Variants in UBR3 observed in about 807,000 individuals in gnomAD.
UBR3 encodes the protein ubiquitin protein ligase E3 component n-recognin 3.
UBR3 carries 85 observed loss-of-function variants against 243.2 expected under a neutral mutation model. The observed-to-expected ratio is 0.35, with a 90% CI of 0.29 to 0.42. The LOEUF (loss-of-function observed/expected upper bound fraction) is 0.42, where lower values mean the gene tolerates loss of function less well. Among genes scored for constraint, UBR3 ranks in the 10% least tolerant of loss-of-function variants. The pLI is 1.00. For synonymous variants in UBR3, 748 were observed against 799.8 expected (o/e 0.94, Z 1.09); for missense variants, 1,686 against 2,300.8 (o/e 0.73, Z 5.47).
chr2:170,027,464 A>G (rs2090560643), intron 30 of UBR3, among the ~76,000 whole-genome samples: 1 of 151,838 alleles, frequency 6.6e-6, no homozygotes, highest in Admixed American at 6.6e-5. Context: ...GATAGGGATT[A>G]GGAAAATAGG....
At chr2:169,928,645 A>C (rs1465025795) in intron 17 of UBR3, 82 bp from the exon 18 acceptor site, 1 of 1,201,132 alleles carries the variant, frequency 8.3e-7, no homozygotes, top group Non-Finnish European at 1.1e-6. Context: ...CTACTTCAGC[A>C]AAATGAGAAA....
At position 169,928,792 on chromosome 2, in the gene UBR3, A is replaced by G; in HGVS notation, c.2490A>G (p.Leu830=). 1 of 1,518,334 alleles carries G rather than the reference A, an allele frequency of 6.6e-7. No individual in the cohort carries two copies. The highest frequency in any genetic ancestry group is 8.9e-7 in the Non-Finnish European group (1 of 1,123,346). 94.1% of individuals were successfully genotyped at this position (1,518,334 alleles called of 1,614,324 possible). Residue 830 remains leucine (L), a synonymous_variant, in exon 18 of 39, where the codon TTA becomes TTG. Transcript: ENST00000272793. Reference sequence around the variant, plus strand: ...GCAGTTACAGCTTTGAATCAGTTTTATCAGCTGTAGCTGATTTTAAGGCTC... The same window carrying G: ...GCAGTTACAGCTTTGAATCAGTTTTGTCAGCTGTAGCTGATTTTAAGGCTC... The part of the protein sequence containing the change: ...IPGSYSFESV[L]SAVADFKAPV...
intron 11 of UBR3, among the ~76,000 whole-genome samples, chr2:169,922,254 C>A (rs1361468815): frequency 6.7e-6 from 1 of 150,262 alleles, no homozygotes; most frequent in Non-Finnish European, 1.5e-5. Context: ...CCACCATACT[C>A]CACCCTGGGC....
chr2:169,978,951 A>G (rs1183011909), intron 24 of UBR3, among the ~76,000 whole-genome samples: 2 of 152,156 alleles, frequency 1.3e-5, no homozygotes, highest in Non-Finnish European at 2.9e-5. Flanking sequence ...CCCAGGAGGT[A>G]TTGTACTGTT....
intron 11 of UBR3, among the ~76,000 whole-genome samples, chr2:169,918,505 T>TA (rs2085552297): frequency 6.7e-6 from 1 of 150,000 alleles, no homozygotes; most frequent in Non-Finnish European, 1.5e-5. Flanking sequence ...TTTTTTTTTT[T>TA]AAGACAGGGT....
intron 1 of UBR3, among the ~76,000 whole-genome samples, chr2:169,830,652 CTT>C (rs11314592): frequency 6.7e-6 from 1 of 148,868 alleles, no homozygotes; most frequent in Non-Finnish European, 1.5e-5. Flanking sequence ...TATGTTTTAT[CTT>C]TTTTTTTTTC....
At chr2:170,021,275 A>G (rs2090384505) in intron 30 of UBR3, among the ~76,000 whole-genome samples, 1 of 152,076 alleles carries the variant, frequency 6.6e-6, no homozygotes, top group Admixed American at 6.6e-5. Flanking sequence ...TTTTAGCTCA[A>G]TTTTTGTCTT....
chr2:170,045,886 C>T (rs568474369), intron 32 of UBR3, among the ~76,000 whole-genome samples: 3 of 151,340 alleles, frequency 2.0e-5, no homozygotes, highest in Non-Finnish European at 4.4e-5. Flanking sequence ...ATCGTGAACA[C>T]AATTAAAAAT....
Position 169,958,447 on chromosome 2 carries a change from G to A in UBR3, c.3555G>A (p.Lys1185=), listed in dbSNP as rs1157672475. The stretch of plus-strand genomic sequence containing the variant: ...TTTCTGTTTAATCTAGGCGACAGAA[G>A]GCTAGAGAGAGGCAGCAGAAATTGC... The part of the protein sequence containing the change: ...KTLDKEERRQ[K]ARERQQKLLA... The change falls in exon 24 of 39, where the codon AAG becomes AAA. Residue 1185 remains lysine, a synonymous_variant. Coordinates refer to ENST00000272793, the MANE Select transcript of UBR3 (RefSeq NM_172070.4). 1.2e-6 allele frequency: 2 copies of A among 1,613,002 alleles called. No individual in the cohort carries two copies. The highest frequency in any genetic ancestry group is 8.5e-7 in the Non-Finnish European group (1 of 1,179,318).
intron 24 of UBR3, among the ~76,000 whole-genome samples, chr2:169,974,473 CTAAT>C (rs1413335457): frequency 6.6e-6 from 1 of 152,100 alleles, no homozygotes; most frequent in Non-Finnish European, 1.5e-5. Context: ...ATAATAGTCT[CTAAT>C]GACCCTTTGT....
chr2:169,878,649 T>A, intron 5 of UBR3, 75 bp downstream of exon 5: 1 of 1,260,118 alleles, frequency 7.9e-7, no homozygotes, highest in Non-Finnish European at 1.1e-6. Context: ...ATTTTATACT[T>A]CTTTATAGTT....
intron 19 of UBR3, among the ~76,000 whole-genome samples, chr2:169,939,638 A>G (rs985444526): frequency 1.3e-5 from 2 of 149,280 alleles, no homozygotes; most frequent in Non-Finnish European, 3.0e-5. Context: ...ATCTTGGCTC[A>G]CTGTAGCCTT....
intron 32 of UBR3, among the ~76,000 whole-genome samples, chr2:170,045,962 AAATTT>A (rs2091075019): frequency 1.9e-5 from 2 of 107,444 alleles, no homozygotes; most frequent in African/African-American, 7.1e-5. Context: ...TGCTTCTTGT[AAATTT>A]TTTTTTTTTT....
intron 6 of UBR3, among the ~76,000 whole-genome samples, chr2:169,892,963 A>AT (rs1247733519): frequency 8.3e-4 from 126 of 152,338 alleles, no homozygotes; most frequent in African/African-American, 3.0e-3. Context: ...ATGCATTTAC[A>AT]GTACATAATG....
intron 31 of UBR3, 54 bp from the exon 32 acceptor site, chr2:170,040,828 A>G (rs1162660676): frequency 7.6e-7 from 1 of 1,313,078 alleles, no homozygotes. Context: ...TATAAAATAA[A>G]TTAGAAAGAG....
intron 24 of UBR3, among the ~76,000 whole-genome samples, chr2:169,976,255 C>G (rs190633321): frequency 1.3e-4 from 20 of 150,092 alleles, no homozygotes; most frequent in African/African-American, 4.9e-4. Context: ...CTTTCTTCCT[C>G]TCTTATTGTT....
Position 169,981,270 on chromosome 2 carries a change from G to A in UBR3, c.3635-5375G>A, listed in dbSNP as rs900137043. ...TCTTGGTGTGGAAAGGGGGAAAAGA[G>A]TTATTTTACAGTAGAGAAACTTGGG... On this transcript the variant is annotated intron_variant, in intron 24 of 38. Coordinates refer to ENST00000272793, the MANE Select transcript of UBR3 (RefSeq NM_172070.4). Among the ~76,000 whole-genome samples, 3 of 152,050 alleles carry A rather than the reference G, an allele frequency of 2.0e-5. No individual in the cohort carries two copies. In the East Asian group the frequency reaches 5.8e-4, roughly 29 times the overall value.
At chr2:169,917,527 C>T (rs777379169) in intron 11 of UBR3, among the ~76,000 whole-genome samples, 2 of 152,044 alleles carry the variant, frequency 1.3e-5, no homozygotes, top group African/African-American at 2.4e-5. Context: ...TAGTGAAGGA[C>T]AGTTAGAATC....
chr2:169,898,021 T>C (rs1415670333), intron 8 of UBR3, among the ~76,000 whole-genome samples: 11 of 152,218 alleles, frequency 7.2e-5, no homozygotes, highest in Non-Finnish European at 5.9e-5. Flanking sequence ...TGGCTCCTAA[T>C]GTCAGAACTC....
Sources: allele counts gnomAD v4.1 joint callset (sites outside exome capture counted in the v4.1 genomes callset), GRCh38; gene constraint gnomAD v4.1.1; transcripts MANE v1.5; gene names NCBI Gene and HGNC (gene_info 2026-07-23, HGNC 2026-07-21).